The following PBX3 variants were observed in gnomAD, a reference collection of about 807,000 sequenced individuals.
PBX3 encodes the protein PBX homeobox 3.
PBX3 carries 14 observed loss-of-function variants against 48.5 expected under a neutral mutation model. The ratio of observed to expected loss-of-function variants is 0.29; its 90% CI spans 0.19 to 0.45. PBX3 has a LOEUF of 0.45. Among genes scored for constraint, PBX3 ranks in the 20% least tolerant of loss-of-function variants. The probability of loss-of-function intolerance (pLI) is 1.00; values close to 1 mark genes in which losing one functional copy is unlikely to be tolerated. For synonymous variants in PBX3, 210 were observed against 200.3 expected, an observed-to-expected ratio of 1.05 and a Z score of -0.41; for missense variants, 386 against 546.7, an observed-to-expected ratio of 0.71 and a Z score of 2.93.
chr9:125,776,902 TTGTTTG>T (rs1837087202), intron 2 of PBX3, among the ~76,000 whole-genome samples: 1 of 152,164 alleles, frequency 6.6e-6, no homozygotes, highest in African/African-American at 2.4e-5. Context: ...TGGCTTATTT[TTGTTTG>T]TTTTTGAGAT....
intron 2 of PBX3, among the ~76,000 whole-genome samples, chr9:125,899,193 A>ATATATATATTTATAAATATACATATG (rs1564162978): frequency 4.2e-5 from 6 of 143,266 alleles, no homozygotes; most frequent in African/African-American, 1.3e-4. Flanking sequence ...TCTTTAGATG[A>ATATATATATTTATAAATATACATATG]TATATATATT....
chr9:125,816,215 C>G (rs1838457865), intron 2 of PBX3, among the ~76,000 whole-genome samples: 1 of 152,080 alleles, frequency 6.6e-6, no homozygotes, highest in African/African-American at 2.4e-5. Flanking sequence ...CCAGGCTGGT[C>G]TTGAACTCCT....
At chr9:125,931,937 G>A (rs556779162) in intron 4 of PBX3, among the ~76,000 whole-genome samples, 1 of 152,232 alleles carries the variant, frequency 6.6e-6, no homozygotes, top group African/African-American at 2.4e-5. Flanking sequence ...ATTTCCTAAG[G>A]ATCAATTCTT....
chr9:125,942,012 C>A (rs1841967680), intron 5 of PBX3, among the ~76,000 whole-genome samples: 1 of 152,094 alleles, frequency 6.6e-6, no homozygotes, highest in Non-Finnish European at 1.5e-5. Context: ...AAAATGAGAA[C>A]CAGAAATGGT....
At chr9:125,755,053 A>G (rs1361638501) in intron 2 of PBX3, among the ~76,000 whole-genome samples, 9 of 152,080 alleles carry the variant, frequency 5.9e-5, no homozygotes, top group African/African-American at 2.2e-4. Context: ...TTAAACCATT[A>G]TTTGTGAGAC....
intron 2 of PBX3, among the ~76,000 whole-genome samples, chr9:125,847,322 T>C (rs1234111253): frequency 2.0e-5 from 3 of 152,012 alleles, no homozygotes; most frequent in Non-Finnish European, 2.9e-5. Flanking sequence ...CTGAGGGGTC[T>C]AGTTTGCAGC....
chr9:125,817,203 G>A (rs1265919647), intron 2 of PBX3, among the ~76,000 whole-genome samples: 3 of 152,194 alleles, frequency 2.0e-5, no homozygotes, highest in Admixed American at 2.0e-4. Flanking sequence ...AGTGTGACTA[G>A]TTTCTTTAAA....
Position 125,892,933 on chromosome 9 carries a change from TCCCC to T in PBX3, c.275-22752_275-22749del, listed in dbSNP as rs200347673. Among the ~76,000 whole-genome samples, 768 of 152,310 alleles carry T rather than the reference TCCCC, an allele frequency of 5.0e-3. 11 individuals carry two copies. The highest frequency in any genetic ancestry group is 0.017 in the African/African-American group (722 of 41,566). ...CTTTAATGTCTTTGCCTCGCTGTGC[TCCCC>T]TGTGGCTCCCCCTGATTTACGCTAG... On this transcript the variant is annotated intron_variant, in intron 2 of 8. Transcript: ENST00000373489.
At chr9:125,763,744 G>T (rs545720254) in intron 2 of PBX3, among the ~76,000 whole-genome samples, 2 of 152,182 alleles carry the variant, frequency 1.3e-5, no homozygotes, top group African/African-American at 2.4e-5. Context: ...GCACGGGAAC[G>T]CTGTCCCTCC....
chr9:125,929,635 A>ATTTTTTT lies in PBX3; in HGVS notation c.517-17_517-11dup. Reference sequence around the variant, plus strand: ...ATAGTAGATAGTTTCCAAAGGAGTGATTTTTTTTTCCCATTACAGGCATGT... The same window carrying ATTTTTTT: ...ATAGTAGATAGTTTCCAAAGGAGTGATTTTTTTTTTTTTTTTCCCATTACAGGCATGT... On this transcript the variant is annotated intron_variant, in intron 3 of 8. Transcript: ENST00000373489. The ATTTTTTT allele has an allele frequency of 6.4e-7, 1 of 1,551,742 alleles. No individual in the cohort carries two copies. The highest frequency in any genetic ancestry group is 8.8e-7 in the Non-Finnish European group (1 of 1,136,450).
chr9:125,841,564 T>G (rs1351728831), intron 2 of PBX3, among the ~76,000 whole-genome samples: 1 of 152,186 alleles, frequency 6.6e-6, no homozygotes, highest in East Asian at 1.9e-4. Flanking sequence ...CCTGGAGTGT[T>G]GTCTTACCCC....
intron 2 of PBX3, among the ~76,000 whole-genome samples, chr9:125,907,579 G>C (rs1432374665): frequency 6.6e-6 from 1 of 151,990 alleles, no homozygotes; most frequent in African/African-American, 2.4e-5. Context: ...AGTGATTCTT[G>C]AGTTCGTGGT....
chr9:125,847,862 A>G (rs1049238778), intron 2 of PBX3, among the ~76,000 whole-genome samples: 1 of 151,982 alleles, frequency 6.6e-6, no homozygotes, highest in African/African-American at 2.4e-5. Flanking sequence ...CAAATAGATC[A>G]CTGCAATCTA....
chr9:125,837,447 A>G (rs1317224195), intron 2 of PBX3, among the ~76,000 whole-genome samples: 1 of 150,804 alleles, frequency 6.6e-6, no homozygotes, highest in Non-Finnish European at 1.5e-5. Flanking sequence ...AAGAAACATG[A>G]TGCTATTTGC....
intron 3 of PBX3, among the ~76,000 whole-genome samples, chr9:125,925,175 T>C (rs796505593): frequency 9.2e-5 from 14 of 152,358 alleles, no homozygotes; most frequent in African/African-American, 2.4e-4. Context: ...TTATTGTGTT[T>C]GTGTGAATGT....
intron 2 of PBX3, among the ~76,000 whole-genome samples, chr9:125,862,227 A>C (rs1261625773): frequency 6.6e-6 from 1 of 152,134 alleles, no homozygotes; most frequent in Non-Finnish European, 1.5e-5. Context: ...TGTTTCAGTC[A>C]ACAAACCATT....
chr9:125,866,323 T>G (rs914234626), intron 2 of PBX3, among the ~76,000 whole-genome samples: 3 of 152,226 alleles, frequency 2.0e-5, no homozygotes, highest in African/African-American at 7.2e-5. Flanking sequence ...TGAATCACAA[T>G]TAAATATCTG....
At position 125,757,371 on chromosome 9, in the gene PBX3, A is replaced by G. The variant is rs1054186003; in HGVS notation, c.274+8748A>G. On this transcript the variant is annotated intron_variant, in intron 2 of 8. Transcript: ENST00000373489. ...GAATAGGAACTAGAGCAGGAAATTG[A>G]TTTTATATTTATTATGAAAGCAAGA... 2.0e-5 allele frequency among the ~76,000 whole-genome samples: 3 copies of G among 152,052 alleles called. No homozygotes were observed. In the East Asian group the frequency reaches 5.8e-4, roughly 29 times the overall value.
intron 2 of PBX3, among the ~76,000 whole-genome samples, chr9:125,807,431 AG>A (rs1462090986): frequency 6.6e-6 from 1 of 152,218 alleles, no homozygotes; most frequent in African/African-American, 2.4e-5. Flanking sequence ...ACAGGGAGGA[AG>A]CAAGTGTTGA....
Sources: allele counts gnomAD v4.1 joint callset (sites outside exome capture counted in the v4.1 genomes callset), GRCh38; gene constraint gnomAD v4.1.1; transcripts MANE v1.5; gene names NCBI Gene and HGNC (gene_info 2026-07-23, HGNC 2026-07-21).